The following NRXN1 variants were observed in gnomAD, a reference collection of about 807,000 sequenced individuals.
NRXN1 encodes neurexin 1.
NRXN1 carries 39 observed loss-of-function variants against 150.9 expected under a neutral mutation model. The ratio of observed to expected loss-of-function variants is 0.26; its 90% CI spans 0.20 to 0.34. NRXN1 has a LOEUF of 0.34. Ranked by LOEUF, NRXN1 falls within the 10% of genes least tolerant of loss-of-function variation. The pLI is 1.00. For synonymous variants in NRXN1, 924 were observed against 757.0 expected, an observed-to-expected ratio of 1.22 and a Z score of -3.62; for missense variants, 1,815 against 1,949.9, an observed-to-expected ratio of 0.93 and a Z score of 1.30.
intron 5 of NRXN1, among the ~76,000 whole-genome samples, chr2:50,651,106 A>C (rs978319613): frequency 6.6e-6 from 1 of 152,046 alleles, no homozygotes; most frequent in Non-Finnish European, 1.5e-5. Flanking sequence ...ATGTGACCCA[A>C]ATAAATTGTA....
At chr2:50,303,208 ATAAT>A (rs1375639166) in intron 17 of NRXN1, among the ~76,000 whole-genome samples, 1 of 152,182 alleles carries the variant, frequency 6.6e-6, no homozygotes, top group Non-Finnish European at 1.5e-5. Context: ...AGCTATCTGC[ATAAT>A]TAATCAGTAG....
intron 18 of NRXN1, among the ~76,000 whole-genome samples, chr2:50,118,849 G>A (rs368053237): frequency 3.3e-5 from 5 of 152,084 alleles, no homozygotes; most frequent in African/African-American, 9.7e-5. Context: ...CATAAGTCTG[G>A]AATACATTTT....
chr2:50,931,275 A>G (rs1323060619), intron 2 of NRXN1, among the ~76,000 whole-genome samples: 3 of 151,986 alleles, frequency 2.0e-5, no homozygotes, highest in Admixed American at 6.6e-5. Flanking sequence ...ATATTAAAAT[A>G]CTCTTAACTT....
chr2:50,976,297 G>T (rs781651369), intron 2 of NRXN1, among the ~76,000 whole-genome samples: 3 of 149,530 alleles, frequency 2.0e-5, no homozygotes, highest in African/African-American at 7.4e-5. Context: ...AACTCTAAAA[G>T]AACTCTAATT....
intron 21 of NRXN1, among the ~76,000 whole-genome samples, chr2:49,975,288 G>T (rs1397225209): frequency 4.6e-5 from 7 of 151,738 alleles, no homozygotes; most frequent in African/African-American, 9.7e-5. Flanking sequence ...AGCCACCCTG[G>T]CACTTTTATT....
At chr2:50,179,377 T>G (rs1047675268) in intron 18 of NRXN1, among the ~76,000 whole-genome samples, 1 of 152,182 alleles carries the variant, frequency 6.6e-6, no homozygotes, top group Non-Finnish European at 1.5e-5. Flanking sequence ...GTTTAATTAC[T>G]TTTAATTACC....
At chr2:50,690,585 G>C (rs1041489927) in intron 5 of NRXN1, among the ~76,000 whole-genome samples, 3 of 152,142 alleles carry the variant, frequency 2.0e-5, no homozygotes, top group African/African-American at 4.8e-5. Context: ...CCATGGGTTT[G>C]AGAATAAGTG....
Position 50,598,702 on chromosome 2 carries a change from ATATACATATAT to A in NRXN1, c.1320+21309_1320+21319del, listed in dbSNP as rs1675703093. ...TGTATGTATATACATATCTATATAT[ATATACATATAT>A]ATGTATATATACACATATATATGTA... On this transcript the variant is annotated intron_variant, in intron 8 of 22. Transcript: ENST00000401669. Among the ~76,000 whole-genome samples, 5 of 146,760 alleles carry A rather than the reference ATATACATATAT, an allele frequency of 3.4e-5. No homozygotes were observed. The South Asian group carries it at 1.0e-3, about 31-fold the overall frequency.
intron 5 of NRXN1, among the ~76,000 whole-genome samples, chr2:50,728,216 C>T (rs1160683987): frequency 2.6e-5 from 4 of 152,076 alleles, no homozygotes; most frequent in East Asian, 1.9e-4. Flanking sequence ...TGTCCTTCTG[C>T]TACTAAAAAA....
chr2:50,769,189 A>C (rs1424993995), intron 5 of NRXN1, among the ~76,000 whole-genome samples: 2 of 152,000 alleles, frequency 1.3e-5, no homozygotes, highest in Non-Finnish European at 2.9e-5. Flanking sequence ...CCTACCACTC[A>C]GATATCTATA....
intron 17 of NRXN1, among the ~76,000 whole-genome samples, chr2:50,443,026 T>G (rs137927585): frequency 3.3e-5 from 5 of 152,274 alleles, no homozygotes; most frequent in Admixed American, 6.5e-5. Context: ...GTGGGTTGAA[T>G]AGTGAACGTG....
chr2:50,304,791 A>T (rs2074462915), intron 17 of NRXN1, among the ~76,000 whole-genome samples: 1 of 152,098 alleles, frequency 6.6e-6, no homozygotes, highest in Non-Finnish European at 1.5e-5. Flanking sequence ...ATCCTCCATT[A>T]ATATAAAGGT....
chr2:50,589,372 G>A (rs1303213383), intron 8 of NRXN1: 1 of 152,342 alleles, frequency 6.6e-6, no homozygotes, highest in Admixed American at 6.5e-5. Context: ...TCCTGGGTGG[G>A]AGTAGTTTCC....
At chr2:50,644,358 A>G (rs1003416119) in intron 5 of NRXN1, among the ~76,000 whole-genome samples, 2 of 151,810 alleles carry the variant, frequency 1.3e-5, no homozygotes, top group Non-Finnish European at 2.9e-5. Context: ...CACCAGATAC[A>G]TTCATATTAA....
intron 17 of NRXN1, among the ~76,000 whole-genome samples, chr2:50,439,870 T>G (rs1403547802): frequency 6.6e-6 from 1 of 151,708 alleles, no homozygotes; most frequent in Non-Finnish European, 1.5e-5. Flanking sequence ...GTGCTAGGCC[T>G]TTTCCATAAT....
At chr2:50,124,688 T>G (rs1425859557) in intron 18 of NRXN1, among the ~76,000 whole-genome samples, 4 of 152,168 alleles carry the variant, frequency 2.6e-5, no homozygotes, top group East Asian at 3.9e-4. Flanking sequence ...CCCTGCAATT[T>G]TGACTTTTCT....
chr2:49,923,773 T>A (rs1668617154), intron 22 of NRXN1, among the ~76,000 whole-genome samples: 1 of 152,140 alleles, frequency 6.6e-6, no homozygotes, highest in Non-Finnish European at 1.5e-5. Flanking sequence ...AAATAAAGCC[T>A]TAACAAATAC....
intron 5 of NRXN1, among the ~76,000 whole-genome samples, chr2:50,898,068 T>C (rs905240732): frequency 2.6e-5 from 4 of 152,306 alleles, no homozygotes; most frequent in South Asian, 4.1e-4. Context: ...CAGATATTTC[T>C]TGAATTGCAT....
At chr2:50,687,235 G>A (rs1161319518) in intron 5 of NRXN1, among the ~76,000 whole-genome samples, 1 of 152,104 alleles carries the variant, frequency 6.6e-6, no homozygotes, top group Non-Finnish European at 1.5e-5. Context: ...GAGCAATTCT[G>A]GATAACTGAA....
Sources: allele counts gnomAD v4.1 joint callset (sites outside exome capture counted in the v4.1 genomes callset), GRCh38; gene constraint gnomAD v4.1.1; transcripts MANE v1.5; gene names NCBI Gene and HGNC (gene_info 2026-07-23, HGNC 2026-07-21).